PTPRC: variants seen among roughly 807,000 people sequenced by gnomAD.
The protein encoded by PTPRC is protein tyrosine phosphatase receptor type C.
Under a neutral mutation model 155.9 loss-of-function variants are expected in PTPRC, and 44 were observed. The observed-to-expected ratio is 0.28, with a 90% CI of 0.22 to 0.36. PTPRC has a LOEUF of 0.36. PTPRC is among the 10% of genes least tolerant of loss of function. The pLI is 1.00. For missense variants in PTPRC, 1,401 were observed against 1,564.6 expected (o/e 0.90, Z 1.76); for synonymous variants, 525 against 533.1 (o/e 0.98, Z 0.21).
intron 7 of PTPRC, chr1:198,703,824 C>G (rs766411882): frequency 5.3e-6 from 1 of 190,234 alleles, no homozygotes; most frequent in Non-Finnish European, 1.1e-5. Flanking sequence ...GTAAGCTGAT[C>G]AGAGCTTGCA....
intron 2 of PTPRC, among the ~76,000 whole-genome samples, chr1:198,646,477 T>C (rs941132124): frequency 6.6e-6 from 1 of 151,864 alleles, no homozygotes; most frequent in Non-Finnish European, 1.5e-5. Context: ...TTTAGTTTTT[T>C]TAATTGGTTT....
At chr1:198,732,213 A>T (rs993514128) in intron 18 of PTPRC, 87 bp from the exon 19 acceptor site, 2 of 994,488 alleles carry the variant, frequency 2.0e-6, no homozygotes, top group Non-Finnish European at 3.2e-6. Context: ...TTTACAGGAT[A>T]TCTCATTTAC....
Position 198,696,864 on chromosome 1 carries a change from G to T in PTPRC, c.253G>T (p.Val85Leu). ...SLSPDNTSTQ[V>L]SPDSLDNASA... ...TAGTCCAGACAATACTTCCACCCAA[G>T]TATCCCCGGACTCTTTGGATAATGC... The change falls in exon 4 of 33, where the codon GTA (valine) becomes TTA (leucine). Residue 85 changes from valine (V) to leucine (L), a missense_variant. By Grantham distance (32) the Val-to-Leu change is conservative (BLOSUM62 1). Transcript: ENST00000442510. The T allele has an allele frequency of 6.2e-7, 1 of 1,614,094 alleles. No homozygotes were observed.
At position 198,695,927 on chromosome 1, in the gene PTPRC, C is replaced by T. The variant is rs989091324; in HGVS notation, c.101-785C>T. Among the ~76,000 whole-genome samples the T allele has an allele frequency of 4.0e-5, 6 of 151,890 alleles. No homozygotes were observed. The East Asian group carries it at 7.7e-4, about 20-fold the overall frequency. ...CTGTAATCCCAGCACTTTGGGAGGC[C>T]GAGGCGGGTGGATCACGAGGTCAGG... On this transcript the variant is annotated intron_variant, in intron 3 of 32. Coordinates refer to ENST00000442510, the MANE Select transcript of PTPRC (RefSeq NM_002838.5).
At chr1:198,697,052 A>G in intron 4 of PTPRC, 143 bp downstream of exon 4, 1 of 814,008 alleles carries the variant, frequency 1.2e-6, no homozygotes, top group Non-Finnish European at 2.1e-6. Flanking sequence ...GCAGGAAATT[A>G]GTATCTGTGA....
In PTPRC at chr1:198,756,260, G is replaced by A. The variant is rs1655655816; in HGVS notation, c.*79G>A. 7.2e-6 allele frequency: 11 copies of A among 1,529,430 alleles called. No individual in the cohort carries two copies. The highest frequency in any genetic ancestry group is 9.9e-6 in the Non-Finnish European group (11 of 1,115,226). The allele number at this position is 1,529,430 out of a possible 1,614,324, so 94.7% of individuals were successfully genotyped here. A position where few individuals can be genotyped will look rare whatever the true frequency, so the allele number is the denominator to read the frequency against. ...TTTGTAGAAGTAGGAAGTGAAAATA[G>A]GTATACAGTGGATTAATTAAATGCA... is the stretch of plus-strand genomic sequence containing the variant. On this transcript the variant is annotated 3_prime_UTR_variant, in exon 33 of 33. Transcript: ENST00000442510.
intron 6 of PTPRC, among the ~76,000 whole-genome samples, chr1:198,702,984 G>A (rs1037740543): frequency 1.3e-5 from 2 of 152,102 alleles, no homozygotes; most frequent in Non-Finnish European, 2.9e-5. Flanking sequence ...TAATTGTGAC[G>A]CTTATTAGAA....
rs771695657 is a variant in PTPRC at position 198,692,400 on chromosome 1, T to G, written c.100+27T>G. 7 of 1,369,946 alleles carry G rather than the reference T, an allele frequency of 5.1e-6. No homozygotes were observed. The Admixed American group carries it at 1.1e-4, about 21-fold the overall frequency. The allele number at this position is 1,369,946 out of a possible 1,614,324, so 84.9% of individuals were successfully genotyped here. On this transcript the variant is annotated intron_variant, in intron 3 of 32. Coordinates refer to ENST00000442510, the MANE Select transcript of PTPRC (RefSeq NM_002838.5). ...TAAGAATTAATATTTATATTTTTAC[T>G]AATTTTATTTTCTTGTTGCAAAGTT...
Position 198,752,709 on chromosome 1 carries a change from C to G in PTPRC, c.3446C>G (p.Pro1149Arg). The G allele has an allele frequency of 3.1e-6, 5 of 1,612,866 alleles. No homozygotes were observed. The highest frequency in any genetic ancestry group is 4.2e-6 in the Non-Finnish European group (5 of 1,179,394). The change falls in exon 31 of 33, where the codon CCC becomes CGC. Residue 1149 changes from proline (P) to arginine (R), a missense_variant. Transcript: ENST00000442510. The stretch of plus-strand genomic sequence containing the variant: ...ATTCAGGTCGTCAAACAAAAACTTC[C>G]CCAGAAGAATTCCTCTGAAGGGAAC... ...SMIQVVKQKL[P>R]QKNSSEGNKH...
Position 198,749,477 on chromosome 1 carries a change from T to G in PTPRC, c.3000T>G (p.Asp1000Glu), listed in dbSNP as rs183414449. ...AAATGAGTAAAGAGAGTGAGCATGA[T>G]TCAGATGAATCCTCTGATGATGACA... is the stretch of plus-strand genomic sequence containing the variant. ...ELEMSKESEH[D>E]SDESSDDDSD... Residue 1000 changes from aspartate to glutamate, a missense_variant, in exon 28 of 33, where the codon GAT (aspartate) becomes GAG (glutamate). Asp to Glu is a conservative substitution (Grantham distance 45). Coordinates refer to ENST00000442510, the MANE Select transcript of PTPRC (RefSeq NM_002838.5). 7 of 1,608,694 alleles carry G rather than the reference T, an allele frequency of 4.4e-6. No homozygotes were observed. In the East Asian group the frequency reaches 1.6e-4, roughly 36 times the overall value.
chr1:198,713,390 A>T (rs1228055764), intron 12 of PTPRC, among the ~76,000 whole-genome samples: 1 of 141,938 alleles, frequency 7.0e-6, no homozygotes, highest in Non-Finnish European at 1.6e-5. Context: ...AAGTGATTTG[A>T]CTCACTTTGA....
intron 3 of PTPRC, chr1:198,693,890 C>T (rs938080926): frequency 1.7e-6 from 2 of 1,171,408 alleles, no homozygotes; most frequent in African/African-American, 3.2e-5. Context: ...GAATGCTACT[C>T]ATCAAAATAG....
rs1046763552 is a variant in PTPRC, at chr1:198,734,210, C to G, written c.2157C>G (p.Pro719=). The change falls in exon 21 of 33, where the codon CCC becomes CCG. Residue 719 remains proline, a synonymous_variant. Transcript: ENST00000442510. ...NASYIDGFKE[P]RKYIAAQGPR... is the part of the protein sequence containing the mutation. Reference sequence around the variant, plus strand: ...GTTTTCAATAGGGTTTCAAAGAACCCAGGAAATACATTGCTGCACAAGGTA... The same window carrying G: ...GTTTTCAATAGGGTTTCAAAGAACCGAGGAAATACATTGCTGCACAAGGTA... 2.5e-6 allele frequency: 4 copies of G among 1,610,474 alleles called. No homozygotes were observed. Among genetic ancestry groups the G allele is most frequent in the Non-Finnish European group, 3.4e-6 (4 of 1,177,864 alleles).
At chr1:198,714,430 G>A (rs1653465324) in intron 12 of PTPRC, among the ~76,000 whole-genome samples, 2 of 152,076 alleles carry the variant, frequency 1.3e-5, no homozygotes, top group African/African-American at 4.8e-5. Flanking sequence ...ACTAGCATGG[G>A]TCCTTCTTAT....
chr1:198,677,460 T>G (rs943033711), intron 2 of PTPRC, among the ~76,000 whole-genome samples: 3 of 152,050 alleles, frequency 2.0e-5, no homozygotes, highest in Admixed American at 2.0e-4. Context: ...TGGGCCACAT[T>G]GCTATTTTTT....
intron 2 of PTPRC, among the ~76,000 whole-genome samples, chr1:198,642,911 T>C (rs1009200777): frequency 0.015 from 1,780 of 121,874 alleles, 21 homozygotes; most frequent in Admixed American, 0.026. Context: ...TTTCTTCCTT[T>C]CTTTCTTTCT....
In PTPRC at chr1:198,679,813, T is replaced by A. The variant is rs920740301; in HGVS notation, c.74-12534T>A. 12 of 552,552 alleles carry A rather than the reference T, an allele frequency of 2.2e-5. No homozygotes were observed. In the South Asian group the frequency reaches 2.9e-4, roughly 13 times the overall value. The allele number at this position is 552,552 out of a possible 1,614,324, so 34.2% of individuals were successfully genotyped here. ...ATGACGCCATTCAGTGTATTGGGGC[T>A]TCTTCCTGCCGGGAGCGTCCGGGTC... On this transcript the variant is annotated intron_variant, in intron 2 of 32. Transcript: ENST00000442510.
At chr1:198,678,499 G>A (rs1351291348) in intron 2 of PTPRC, among the ~76,000 whole-genome samples, 5 of 152,156 alleles carry the variant, frequency 3.3e-5, no homozygotes, top group South Asian at 2.1e-4. Context: ...CACTGCTGCC[G>A]GTCTAGATGG....
intron 26 of PTPRC, among the ~76,000 whole-genome samples, chr1:198,746,416 G>T (rs1049254485): frequency 3.3e-5 from 5 of 151,658 alleles, no homozygotes; most frequent in East Asian, 1.9e-4. Context: ...TAAAAGGGCT[G>T]CTGAGTTATT....
Sources: allele counts gnomAD v4.1 joint callset (sites outside exome capture counted in the v4.1 genomes callset), GRCh38; gene constraint gnomAD v4.1.1; transcripts MANE v1.5; gene names NCBI Gene and HGNC (gene_info 2026-07-23, HGNC 2026-07-21).